The following TMEM45A variants were observed in gnomAD, a reference collection of about 807,000 sequenced individuals.
TMEM45A encodes the protein transmembrane protein 45A, also known as DNA polymerase-transactivated protein 4.
A neutral mutation model predicts 32.0 loss-of-function variants in TMEM45A; 25 were observed. That is an observed-to-expected ratio of 0.78 (90% confidence interval 0.57 to 1.09). The LOEUF (loss-of-function observed/expected upper bound fraction) is 1.09. Ranked by LOEUF, TMEM45A falls within the 50% of genes least tolerant of loss-of-function variation. TMEM45A has a pLI of 0.00. For synonymous variants in TMEM45A, 122 were observed against 114.8 expected, an observed-to-expected ratio of 1.06 and a Z score of -0.40; for missense variants, 302 against 325.0, an observed-to-expected ratio of 0.93 and a Z score of 0.54.
chr3:100,569,744 T>C (rs1415460650), intron 5 of TMEM45A, among the ~76,000 whole-genome samples: 1 of 152,116 alleles, frequency 6.6e-6, no homozygotes, highest in Non-Finnish European at 1.5e-5. Flanking sequence ...TATTCCTCTT[T>C]GGCATAAAAA....
At chr3:100,496,931 T>C (rs1263881177) in intron 1 of TMEM45A, among the ~76,000 whole-genome samples, 1 of 152,212 alleles carries the variant, frequency 6.6e-6, no homozygotes, top group Non-Finnish European at 1.5e-5. Context: ...TTGGGGCATC[T>C]CAGTTTCTCT....
intron 2 of TMEM45A, among the ~76,000 whole-genome samples, chr3:100,556,093 T>C (rs1043022801): frequency 4.6e-5 from 7 of 152,278 alleles, no homozygotes; most frequent in Middle Eastern, 3.4e-3. Flanking sequence ...CAAGCAGTTG[T>C]GCCTCAGCTC....
intron 5 of TMEM45A, among the ~76,000 whole-genome samples, chr3:100,576,065 C>A (rs551131302): frequency 6.6e-6 from 1 of 152,198 alleles, no homozygotes; most frequent in South Asian, 2.1e-4. Context: ...ATAATCGGAG[C>A]ACTTTGGGAG....
chr3:100,499,161 G>T (rs11927516), intron 1 of TMEM45A, among the ~76,000 whole-genome samples: 34,505 of 151,898 alleles, frequency 0.23, 4,252 homozygotes, highest in East Asian at 0.37. Context: ...CCACTGAGTT[G>T]GTAGTGTCTT....
intron 1 of TMEM45A, among the ~76,000 whole-genome samples, chr3:100,546,502 G>A (rs754671562): frequency 2.2e-4 from 33 of 152,156 alleles, no homozygotes; most frequent in Non-Finnish European, 3.4e-4. Context: ...AAAACTTTAC[G>A]TTCTTACTAC....
rs548928106 is a variant in TMEM45A at position 100,533,888 on chromosome 3, C to T, written c.-3-21321C>T. On this transcript the variant is annotated intron_variant, in intron 1 of 5. Transcript: ENST00000323523. ...AATAACATGCCCAATGTCAAGCGCA[C>T]AGTGGTCTTTGTATTAGAGTAGTCT... Among the ~76,000 whole-genome samples the T allele has an allele frequency of 2.6e-5, 4 of 152,250 alleles. No homozygotes were observed. In the East Asian group the frequency reaches 7.7e-4, roughly 29 times the overall value.
intron 1 of TMEM45A, among the ~76,000 whole-genome samples, chr3:100,506,467 G>A (rs1559634058): frequency 6.6e-6 from 1 of 152,142 alleles, no homozygotes; most frequent in African/African-American, 2.4e-5. Context: ...CTGTCCTGGA[G>A]GTGAACTTCC....
chr3:100,557,067 CTTGA>C, intron 3 of TMEM45A, 95 bp downstream of exon 3: 1 of 1,375,968 alleles, frequency 7.3e-7, no homozygotes, highest in South Asian at 1.2e-5. Context: ...TTGTTGCAGC[CTTGA>C]TTGATAGGAC....
At chr3:100,535,328 G>A (rs1705722973) in intron 1 of TMEM45A, among the ~76,000 whole-genome samples, 1 of 151,980 alleles carries the variant, frequency 6.6e-6, no homozygotes. Context: ...TGGCCAGGCT[G>A]GTTTTGAATG....
chr3:100,500,743 A>G (rs768991675), intron 1 of TMEM45A, among the ~76,000 whole-genome samples: 1 of 152,208 alleles, frequency 6.6e-6, no homozygotes, highest in Non-Finnish European at 1.5e-5. Flanking sequence ...CTGCTGTTTT[A>G]TGCAAAGATT....
intron 1 of TMEM45A, among the ~76,000 whole-genome samples, chr3:100,518,763 A>T (rs556570368): frequency 6.6e-6 from 1 of 152,304 alleles, no homozygotes; most frequent in East Asian, 1.9e-4. Context: ...GGTTAAGATA[A>T]GCATGAGATG....
chr3:100,560,200 TTTC>T (rs1444614902), intron 4 of TMEM45A, among the ~76,000 whole-genome samples: 1 of 152,150 alleles, frequency 6.6e-6, no homozygotes, highest in Non-Finnish European at 1.5e-5. Context: ...GATTTGTCCA[TTTC>T]TTCTTATGTT....
chr3:100,560,936 A>T (rs1706319605), intron 4 of TMEM45A, among the ~76,000 whole-genome samples: 1 of 152,202 alleles, frequency 6.6e-6, no homozygotes, highest in South Asian at 2.1e-4. Context: ...TATTTCCCCC[A>T]AAAGCTTTTC....
chr3:100,510,538 T>C (rs1370331456), intron 1 of TMEM45A, among the ~76,000 whole-genome samples: 1 of 152,078 alleles, frequency 6.6e-6, no homozygotes, highest in East Asian at 1.9e-4. Flanking sequence ...GCAGAAAAAC[T>C]GGAAACTCTA....
At chr3:100,543,189 T>G (rs1195565707) in intron 1 of TMEM45A, among the ~76,000 whole-genome samples, 2 of 152,242 alleles carry the variant, frequency 1.3e-5, no homozygotes, top group Non-Finnish European at 2.9e-5. Flanking sequence ...TCAAAAATCT[T>G]TTACTGGTAG....
chr3:100,497,537 A>G (rs1707946625), intron 1 of TMEM45A, among the ~76,000 whole-genome samples: 1 of 152,180 alleles, frequency 6.6e-6, no homozygotes, highest in Non-Finnish European at 1.5e-5. Context: ...GAAACTTAAT[A>G]CTCATTAAAC....
intron 1 of TMEM45A, among the ~76,000 whole-genome samples, chr3:100,516,239 A>G (rs1220897086): frequency 6.6e-6 from 1 of 152,206 alleles, no homozygotes; most frequent in Non-Finnish European, 1.5e-5. Context: ...AGTCTCAATC[A>G]AGGGCAAGAT....
chr3:100,552,355 T>C (rs1210870680), intron 1 of TMEM45A, among the ~76,000 whole-genome samples: 1 of 152,070 alleles, frequency 6.6e-6, no homozygotes, highest in African/African-American at 2.4e-5. Context: ...TGCAAAGAAG[T>C]CACTAATGTG....
rs1390363189 is a variant in TMEM45A, at chr3:100,492,944, G to T, written c.-4+16G>T. The T allele has an allele frequency of 1.3e-5, 2 of 152,080 alleles. No homozygotes were observed. The highest frequency in any genetic ancestry group is 2.9e-5 in the Non-Finnish European group (2 of 68,028). 9.4% of individuals were successfully genotyped at this position (152,080 alleles called of 1,614,324 possible). On this transcript the variant is annotated intron_variant, in intron 1 of 5. Coordinates refer to ENST00000323523, the MANE Select transcript of TMEM45A (RefSeq NM_018004.3). ...ACCAAGTTGGGTAAGTTTTGGATAC[G>T]TGCTGGATATCATATTTCTCTTGCC... is the stretch of plus-strand genomic sequence containing the variant.
Sources: allele counts gnomAD v4.1 joint callset (sites outside exome capture counted in the v4.1 genomes callset), GRCh38; gene constraint gnomAD v4.1.1; transcripts MANE v1.5; gene names NCBI Gene and HGNC (gene_info 2026-07-23, HGNC 2026-07-21).